The following PAX8 variants were observed in gnomAD, a reference collection of about 807,000 sequenced individuals.
The protein encoded by PAX8 is paired box protein Pax-8.
A neutral mutation model predicts 52.4 loss-of-function variants in PAX8; 15 were observed. The observed-to-expected ratio is 0.29, with a 90% CI of 0.19 to 0.44. The LOEUF is 0.44. Ranked by LOEUF, PAX8 falls within the 20% of genes least tolerant of loss-of-function variation. The pLI, the probability that PAX8 is intolerant of heterozygous loss-of-function variation, is 1.00. For missense variants in PAX8, 554 were observed against 602.5 expected (o/e 0.92, Z 0.84); for synonymous variants, 284 against 249.7 (o/e 1.14, Z -1.29).
intron 8 of PAX8, 148 bp downstream of exon 8, chr2:113,236,453 A>G (rs1454838860): frequency 1.4e-6 from 1 of 724,574 alleles, no homozygotes; most frequent in East Asian, 2.8e-5. Flanking sequence ...CTAGGACCGG[A>G]GGCGCGACCC....
chr2:113,271,715 C>T (rs541957408), intron 2 of PAX8: 4 of 146,024 alleles, frequency 2.7e-5, no homozygotes, highest in East Asian at 2.0e-4. Flanking sequence ...ATCTAGTAGC[C>T]GAGTTCTGAT....
chr2:113,245,913 C>G (rs1262626800), intron 3 of PAX8, among the ~76,000 whole-genome samples: 3 of 152,188 alleles, frequency 2.0e-5, no homozygotes, highest in Non-Finnish European at 4.4e-5. Context: ...CCTTGTCCAA[C>G]CAGGGCTCCT....
In PAX8 at chr2:113,262,969, A is replaced by T. The variant is rs575520331; in HGVS notation, c.25+15401T>A. 1.7e-4 allele frequency among the ~76,000 whole-genome samples: 26 copies of T among 152,350 alleles called. No homozygotes were observed. In the South Asian group the frequency reaches 5.4e-3, roughly 32 times the overall value. On this transcript the variant is annotated intron_variant, in intron 2 of 11. Coordinates refer to ENST00000429538, the MANE Select transcript of PAX8 (RefSeq NM_003466.4). Reference sequence around the variant, plus strand: ...CTGCAGCGCTAGCAAACGCATGCACAGATCAACAGAGTTTTAGAGCTTTAG... The same window carrying T: ...CTGCAGCGCTAGCAAACGCATGCACTGATCAACAGAGTTTTAGAGCTTTAG...
Position 113,241,540 on chromosome 2 carries a change from C to T in PAX8, c.777+11G>A, listed in dbSNP as rs550504648. ...CCCACCCTGTTCACCTCCCAGGGCC[C>T]AGCTTCTCACCTGCTCGCCTTTGGT... is the stretch of plus-strand genomic sequence containing the variant. On this transcript the variant is annotated intron_variant, in intron 7 of 11. Transcript: ENST00000429538. 53 of 1,600,050 alleles carry T rather than the reference C, an allele frequency of 3.3e-5. No individual in the cohort carries two copies. The South Asian group carries it at 5.6e-4, about 17-fold the overall frequency.
At chr2:113,277,772 C>A (rs1451811528) in intron 2 of PAX8, among the ~76,000 whole-genome samples, 1 of 152,198 alleles carries the variant, frequency 6.6e-6, no homozygotes, top group African/African-American at 2.4e-5. Flanking sequence ...ACTCCGCGAG[C>A]GGCTTAGTCC....
intron 2 of PAX8, among the ~76,000 whole-genome samples, chr2:113,252,456 G>GA (rs928114455): frequency 1.6e-4 from 25 of 152,292 alleles, no homozygotes; most frequent in African/African-American, 6.0e-4. Context: ...TGCTCCTGAA[G>GA]AAAGTGTCCC....
intron 2 of PAX8, among the ~76,000 whole-genome samples, chr2:113,262,144 G>A (rs1470769187): frequency 6.6e-6 from 1 of 152,058 alleles, no homozygotes; most frequent in Admixed American, 6.6e-5. Flanking sequence ...TTAGGTTCTT[G>A]TATCAGCTTG....
chr2:113,275,349 A>C (rs759987342), intron 2 of PAX8: 1 of 152,264 alleles, frequency 6.6e-6, no homozygotes, highest in Non-Finnish European at 1.5e-5. Context: ...GATGAACCCC[A>C]ATACCTCTTT....
intron 2 of PAX8, chr2:113,269,676 T>C (rs528721207): frequency 2.0e-5 from 3 of 152,106 alleles, no homozygotes; most frequent in Non-Finnish European, 4.4e-5. Context: ...AAGTAGAAAA[T>C]TGTGAGACAG....
chr2:113,222,675 A>G (rs539793368), intron 10 of PAX8, among the ~76,000 whole-genome samples: 1 of 152,210 alleles, frequency 6.6e-6, no homozygotes, highest in East Asian at 1.9e-4. Flanking sequence ...ATATTCTGCT[A>G]TCTTCTGTCT....
intron 2 of PAX8, chr2:113,276,569 C>T (rs1157904007): frequency 6.6e-6 from 1 of 151,850 alleles, no homozygotes. Flanking sequence ...ATTAAAACTA[C>T]AGTAAAAATA....
intron 9 of PAX8, among the ~76,000 whole-genome samples, chr2:113,227,898 A>G (rs1689680890): frequency 2.0e-5 from 3 of 152,216 alleles, no homozygotes; most frequent in African/African-American, 7.2e-5. Flanking sequence ...CCCAACCTAG[A>G]AGGAGATGTG....
At chr2:113,231,821 TG>T (rs1242712651) in intron 9 of PAX8, among the ~76,000 whole-genome samples, 1 of 152,198 alleles carries the variant, frequency 6.6e-6, no homozygotes, top group Non-Finnish European at 1.5e-5. Context: ...CTCCGCCTCC[TG>T]GGTTTAAGCA....
At chr2:113,234,156 C>G (rs1003843647) in intron 9 of PAX8, among the ~76,000 whole-genome samples, 1 of 152,262 alleles carries the variant, frequency 6.6e-6, no homozygotes, top group African/African-American at 2.4e-5. Context: ...TGGGCCCCCA[C>G]TGGGCCCACA....
chr2:113,229,433 A>C (rs937024015), intron 9 of PAX8, among the ~76,000 whole-genome samples: 2 of 152,256 alleles, frequency 1.3e-5, no homozygotes, highest in African/African-American at 4.8e-5. Context: ...CTACAGAATA[A>C]AGAGCCATCA....
At chr2:113,262,414 G>A (rs898117497) in intron 2 of PAX8, among the ~76,000 whole-genome samples, 3 of 152,174 alleles carry the variant, frequency 2.0e-5, no homozygotes, top group Non-Finnish European at 4.4e-5. Context: ...AAAGGTTCTG[G>A]AGGATGGATG....
chr2:113,237,853 A>G (rs986003157), intron 7 of PAX8: 5 of 152,220 alleles, frequency 3.3e-5, no homozygotes, highest in African/African-American at 1.2e-4. Context: ...GTGCCACTAA[A>G]GGCAATTGTT....
intron 2 of PAX8, chr2:113,272,594 G>A (rs1480278358): frequency 6.6e-6 from 1 of 152,208 alleles, no homozygotes; most frequent in Non-Finnish European, 1.5e-5. Context: ...TAGGATTGGT[G>A]TGGCAGAGTG....
chr2:113,227,111 C>G, intron 10 of PAX8, 44 bp downstream of exon 10: 2 of 1,547,348 alleles, frequency 1.3e-6, no homozygotes, highest in Non-Finnish European at 1.7e-6. Context: ...TGCTCCAATA[C>G]TTCCTCTTTG....
Sources: allele counts gnomAD v4.1 joint callset (sites outside exome capture counted in the v4.1 genomes callset), GRCh38; gene constraint gnomAD v4.1.1; transcripts MANE v1.5; gene names NCBI Gene and HGNC (gene_info 2026-07-23, HGNC 2026-07-21).